NPIPB2: variants seen among roughly 807,000 people sequenced by gnomAD.
The protein encoded by NPIPB2 is nuclear pore complex interacting protein family member B2.
NPIPB2 carries 27 observed loss-of-function variants against 30.8 expected under a neutral mutation model. The ratio of observed to expected loss-of-function variants is 0.88; its 90% CI spans 0.65 to 1.21. NPIPB2 has a LOEUF of 1.21. NPIPB2 is among the 50% of genes most tolerant of loss of function. The pLI, the probability that NPIPB2 is intolerant of heterozygous loss-of-function variation, is 0.00. For missense variants in NPIPB2, 440 were observed against 446.2 expected, an observed-to-expected ratio of 0.99 and a Z score of 0.13; for synonymous variants, 147 against 162.0, an observed-to-expected ratio of 0.91 and a Z score of 0.70.
intron 1 of NPIPB2, among the ~76,000 whole-genome samples, chr16:11,974,040 A>T (rs2055252190): frequency 6.6e-6 from 1 of 152,138 alleles, no homozygotes; most frequent in African/African-American, 2.4e-5. Context: ...GGGAGGGGAA[A>T]AATTGTTATT....
intron 1 of NPIPB2, among the ~76,000 whole-genome samples, chr16:11,975,565 T>C (rs1248325210): frequency 6.6e-6 from 1 of 151,832 alleles, no homozygotes; most frequent in East Asian, 2.0e-4. Flanking sequence ...CCATTATAAT[T>C]CATTCTCATC....
At chr16:11,974,641 TCTC>T (rs1184600099) in intron 1 of NPIPB2, among the ~76,000 whole-genome samples, 1 of 152,180 alleles carries the variant, frequency 6.6e-6, no homozygotes, top group Non-Finnish European at 1.5e-5. Flanking sequence ...TTTTAAAACA[TCTC>T]CTTAAGTGTA....
Position 11,966,130 on chromosome 16 carries a change from T to C in NPIPB2, c.-584+10438A>G, listed in dbSNP as rs2055191529. The C allele has an allele frequency of 6.2e-6, 9 of 1,448,830 alleles. No individual in the cohort carries two copies. In the Admixed American group the frequency reaches 1.3e-4, roughly 21 times the overall value. The allele number at this position is 1,448,830 out of a possible 1,614,324, so 89.7% of individuals were successfully genotyped here. ...TGTCTCAAAATAAATAAATAAATAA[T>C]AACAATAAAGTATGTGAATATTATG... On this transcript the variant is annotated intron_variant, in intron 1 of 5. Transcript: ENST00000538896.
rs200128008 is a variant in NPIPB2, at chr16:11,971,017, C to T, written c.-584+5551G>A. 2.0e-5 allele frequency among the ~76,000 whole-genome samples: 3 copies of T among 151,918 alleles called. No individual in the cohort carries two copies. The East Asian group carries it at 5.8e-4, about 29-fold the overall frequency. On this transcript the variant is annotated intron_variant, in intron 1 of 5. Coordinates refer to the NPIPB2 transcript ENST00000538896. ...TACAGGCATGTACCACCATTCTCGG[C>T]TAATTTTTTTTATTCTTTTAGTAGA... is the stretch of plus-strand genomic sequence containing the variant.
intron 1 of NPIPB2, among the ~76,000 whole-genome samples, chr16:11,960,005 G>C (rs1032909679): frequency 6.6e-6 from 1 of 152,126 alleles, no homozygotes; most frequent in Non-Finnish European, 1.5e-5. Context: ...GAACTACTGG[G>C]CTCAAGTGAT....
chr16:11,932,658 C>G (rs1459883240), intron 4 of NPIPB2, among the ~76,000 whole-genome samples: 3 of 134,172 alleles, frequency 2.2e-5, no homozygotes, highest in East Asian at 2.2e-4. Flanking sequence ...TGCCTGTAGT[C>G]CCAGCTACTC....
chr16:11,973,709 C>T (rs2055249877), intron 1 of NPIPB2, among the ~76,000 whole-genome samples: 1 of 152,058 alleles, frequency 6.6e-6, no homozygotes, highest in African/African-American at 2.4e-5. Flanking sequence ...GCTAGGAGTT[C>T]CTAGCTGGTC....
intron 1 of NPIPB2, chr16:11,967,782 T>A (rs200613750): frequency 1.2e-6 from 2 of 1,614,208 alleles, no homozygotes; most frequent in East Asian, 4.5e-5. Context: ...AACGAATGAC[T>A]ATTGCAAGAG....
At chr16:11,946,881 G>A (rs1035453419), upstream of NPIPB2, among the ~76,000 whole-genome samples, 4 of 151,298 alleles carry the variant, frequency 2.6e-5, no homozygotes, top group Admixed American at 6.6e-5. Flanking sequence ...CACCACACCC[G>A]GCTAATTTTT....
chr16:11,963,658 C>A (rs1346097569), intron 1 of NPIPB2, among the ~76,000 whole-genome samples: 4 of 152,146 alleles, frequency 2.6e-5, no homozygotes, highest in Non-Finnish European at 5.9e-5. Flanking sequence ...TAGGAGTTTG[C>A]CATTTCCTCA....
chr16:11,944,985 C>A (rs1487378368), upstream of NPIPB2, among the ~76,000 whole-genome samples: 1 of 150,284 alleles, frequency 6.7e-6, no homozygotes, highest in Non-Finnish European at 1.5e-5. Flanking sequence ...TCAAGGCCAG[C>A]CTGACCAACA....
chr16:11,973,851 T>G (rs984784198), intron 1 of NPIPB2, among the ~76,000 whole-genome samples: 2 of 152,236 alleles, frequency 1.3e-5, no homozygotes, highest in Non-Finnish European at 2.9e-5. Flanking sequence ...CAAAACAGGT[T>G]ATGGGACTGG....
intron 1 of NPIPB2, among the ~76,000 whole-genome samples, chr16:11,940,758 TAAAA>T (rs1205186064): frequency 2.1e-5 from 1 of 47,160 alleles, no homozygotes; most frequent in Non-Finnish European, 3.9e-5. Flanking sequence ...AGACTCTGTC[TAAAA>T]AAAAAAAAAA....
rs551845370 is a variant in NPIPB2, at chr16:11,960,627, G to C, written c.-584+15941C>G. ...CCCTCCTCAGCCTCCCAAAGTGCTGGGATTACAGGCATGAGCCATGGCGCC... is the reference window on the plus strand; with the variant it reads ...CCCTCCTCAGCCTCCCAAAGTGCTGCGATTACAGGCATGAGCCATGGCGCC... On this transcript the variant is annotated intron_variant, in intron 1 of 5. Coordinates refer to the NPIPB2 transcript ENST00000538896. Among the ~76,000 whole-genome samples the C allele has an allele frequency of 8.5e-5, 13 of 152,064 alleles. No individual in the cohort carries two copies. The East Asian group carries it at 1.6e-3, about 18-fold the overall frequency.
chr16:11,973,019 G>A (rs971476211), intron 1 of NPIPB2, among the ~76,000 whole-genome samples: 3 of 151,732 alleles, frequency 2.0e-5, no homozygotes, highest in Non-Finnish European at 4.4e-5. Context: ...AATTAGCCGG[G>A]CGCGGTGGCA....
In NPIPB2 at chr16:11,947,854, A is replaced by G. The variant is rs577780881; in HGVS notation, c.-583-5740T>C. Reference sequence around the variant, plus strand: ...GGGTTCTGGAAGGGAGCAGCTGGTCATGGAAGCTGGGGCTAGCATCAGTGC... The same window carrying G: ...GGGTTCTGGAAGGGAGCAGCTGGTCGTGGAAGCTGGGGCTAGCATCAGTGC... On this transcript the variant is annotated intron_variant, in intron 1 of 5. Coordinates refer to the NPIPB2 transcript ENST00000538896. 5.9e-5 allele frequency among the ~76,000 whole-genome samples: 9 copies of G among 151,552 alleles called. No homozygotes were observed. The East Asian group carries it at 1.5e-3, about 26-fold the overall frequency.
At chr16:11,950,397 T>C (rs1596500141) in intron 1 of NPIPB2, among the ~76,000 whole-genome samples, 1 of 152,228 alleles carries the variant, frequency 6.6e-6, no homozygotes, top group Admixed American at 6.6e-5. Flanking sequence ...CTCGAACTCA[T>C]GGGCTCAAGC....
chr16:11,946,592 T>C (rs948271894), upstream of NPIPB2, among the ~76,000 whole-genome samples: 1 of 151,724 alleles, frequency 6.6e-6, no homozygotes, highest in African/African-American at 2.4e-5. Context: ...CAATGCATAA[T>C]GAGATACTAC....
At chr16:11,965,163 G>C in intron 1 of NPIPB2, 1 of 813,448 alleles carries the variant, frequency 1.2e-6, no homozygotes, top group Non-Finnish European at 2.0e-6. Context: ...TAGCTGCCGC[G>C]AAGACACAGA....
Sources: allele counts gnomAD v4.1 joint callset (sites outside exome capture counted in the v4.1 genomes callset), GRCh38; gene constraint gnomAD v4.1.1; transcripts MANE v1.5; gene names NCBI Gene and HGNC (gene_info 2026-07-23, HGNC 2026-07-21).